The following SEMA7A variants were observed in gnomAD, a reference collection of about 807,000 sequenced individuals.
SEMA7A encodes semaphorin 7A (JohnMiltonHagen blood group), also known as semaphorin-7A.
SEMA7A carries 21 observed loss-of-function variants against 67.5 expected under a neutral mutation model. The ratio of observed to expected loss-of-function variants is 0.31; its 90% CI spans 0.22 to 0.45. The LOEUF (loss-of-function observed/expected upper bound fraction) is 0.45, where lower values mean the gene tolerates loss of function less well. Among genes scored for constraint, SEMA7A ranks in the 20% least tolerant of loss-of-function variants. The pLI is 1.00. For synonymous variants in SEMA7A, 364 were observed against 368.5 expected, an observed-to-expected ratio of 0.99 and a Z score of 0.14; for missense variants, 774 against 908.6, an observed-to-expected ratio of 0.85 and a Z score of 1.90.
Position 74,409,483 on chromosome 15 carries a change from GCCCAGGCCATC to G in SEMA7A, c.*1130_*1140del, listed in dbSNP as rs1277411036. The G allele has an allele frequency of 3.3e-5, 5 of 152,222 alleles. No individual in the cohort carries two copies. Among genetic ancestry groups the G allele is most frequent in the Non-Finnish European group, 7.3e-5 (5 of 68,090 alleles). The allele number at this position is 152,222 out of a possible 1,614,324, so 9.4% of individuals were successfully genotyped here. A position where few individuals can be genotyped will look rare whatever the true frequency, so the allele number is the denominator to read the frequency against. ...CAGGGCCGCCTGCCTGGAGAGCTCGGCCCAGGCCATCCCCACCGGAATTTTCACAGTTTAGC... is the reference window on the plus strand; with the variant it reads ...CAGGGCCGCCTGCCTGGAGAGCTCGGCCCACCGGAATTTTCACAGTTTAGC... On this transcript the variant is annotated 3_prime_UTR_variant, in exon 14 of 14. Transcript: ENST00000261918.
rs983503714 is a variant in SEMA7A, at chr15:74,423,438, G to A, written c.179-4486C>T. The stretch of plus-strand genomic sequence containing the variant: ...GCTGTACCACCGGCCCAAGGACACA[G>A]AGCGAGGGAAGCTCCAAGTTTCCAG... On this transcript the variant is annotated intron_variant, in intron 1 of 13. Transcript: ENST00000261918. This position sits in a 1 kb window ranked among gnomAD's most constrained non-coding sequence, Gnocchi z 4.1. Among the ~76,000 whole-genome samples, 1 of 152,202 alleles carries A rather than the reference G, an allele frequency of 6.6e-6. No homozygotes were observed. Among genetic ancestry groups the A allele is most frequent in the Non-Finnish European group, 1.5e-5 (1 of 68,034 alleles).
Position 74,417,465 on chromosome 15 carries a change from G to A in SEMA7A, c.551-20C>T. 6.2e-7 allele frequency: 1 copy of A among 1,606,452 alleles called. No homozygotes were observed. The highest frequency in any genetic ancestry group is 8.5e-7 in the Non-Finnish European group (1 of 1,173,344). ...CGTCCCCTGGGGTCAGTGGGAGGGAGAAATGAGTAAGGGCAGGCAGCTCCT... is the reference window on the plus strand; with the variant it reads ...CGTCCCCTGGGGTCAGTGGGAGGGAAAAATGAGTAAGGGCAGGCAGCTCCT... On this transcript the variant is annotated intron_variant, in intron 5 of 13. Coordinates refer to ENST00000261918, the MANE Select transcript of SEMA7A (RefSeq NM_003612.5).
In SEMA7A at chr15:74,423,562, C is replaced by G. The variant is rs1182542194; in HGVS notation, c.179-4610G>C. Among the ~76,000 whole-genome samples the G allele has an allele frequency of 6.6e-6, 1 of 152,122 alleles. No individual in the cohort carries two copies. The highest frequency in any genetic ancestry group is 1.5e-5 in the Non-Finnish European group (1 of 68,022). On this transcript the variant is annotated intron_variant, in intron 1 of 13. Coordinates refer to ENST00000261918, the MANE Select transcript of SEMA7A (RefSeq NM_003612.5). The surrounding 1 kb of genome is among the most constrained non-coding windows in gnomAD (Gnocchi z 4.1). ...TGTATATTCAGCCTCTCCCTACTTC[C>G]CTGAATCATCCCTACTCTACCCTTC...
At position 74,410,473 on chromosome 15, in the gene SEMA7A, G is replaced by T; in HGVS notation, c.*151C>A. 1 of 1,201,326 alleles carries T rather than the reference G, an allele frequency of 8.3e-7. No homozygotes were observed. 74.4% of individuals were successfully genotyped at this position (1,201,326 alleles called of 1,614,324 possible). ...GGGGCCCAGCAGCCGCCTGCGGCTG[G>T]ACGTCTCCAGGCCTGGCATCCTCCA... On this transcript the variant is annotated 3_prime_UTR_variant, in exon 14 of 14. Transcript: ENST00000261918. This position sits in a 1 kb window ranked among gnomAD's most constrained non-coding sequence, Gnocchi z 7.5.
chr15:74,416,462 C>T (rs1167114188), intron 7 of SEMA7A, 113 bp downstream of exon 7: 2 of 1,149,526 alleles, frequency 1.7e-6, no homozygotes, highest in African/African-American at 3.1e-5. Flanking sequence ...CTGACACAGA[C>T]CCACTCATAC....
In SEMA7A at chr15:74,414,439, T is replaced by A; in HGVS notation, c.1294+108A>T. 8.6e-7 allele frequency: 1 copy of A among 1,156,258 alleles called. No homozygotes were observed. The highest frequency in any genetic ancestry group is 1.3e-6 in the Non-Finnish European group (1 of 786,564). 71.6% of individuals were successfully genotyped at this position (1,156,258 alleles called of 1,614,324 possible). A position where few individuals can be genotyped will look rare whatever the true frequency, so the allele number is the denominator to read the frequency against. On this transcript the variant is annotated intron_variant, in intron 10 of 13. Coordinates refer to ENST00000261918, the MANE Select transcript of SEMA7A (RefSeq NM_003612.5). The surrounding 1 kb of genome is among the most constrained non-coding windows in gnomAD (Gnocchi z 4.1). ...CCCCTGACAACTCCAGTCACTCAAT[T>A]ATTCCTTCCACATGTAAAGATCCAA...
Position 74,417,608 on chromosome 15 carries a change from G to T in SEMA7A, c.533C>A (p.Ser178Tyr). 6.2e-7 allele frequency: 1 copy of T among 1,612,916 alleles called. No homozygotes were observed. Among genetic ancestry groups the T allele is most frequent in the Non-Finnish European group, 8.5e-7 (1 of 1,179,900 alleles). The change falls in exon 5 of 14, where the codon TCC (serine) becomes TAC (tyrosine). Residue 178 changes from serine to tyrosine, a missense_variant. Around this residue, in one of 2 missense-constraint regions of SEMA7A, gnomAD observed 347 missense variants for 353.2 expected, o/e 0.98. Coordinates refer to ENST00000261918, the MANE Select transcript of SEMA7A (RefSeq NM_003612.5). ...TGCCCTACCTTCAAACAGAACCAGGGAGTTCTCGTCCGGGCTGAAGGGGGC... is the reference window on the plus strand; with the variant it reads ...TGCCCTACCTTCAAACAGAACCAGGTAGTTCTCGTCCGGGCTGAAGGGGGC... ...GYAPFSPDENSLVLFEGDEVY... is the reference protein window; with the variant it reads ...GYAPFSPDENYLVLFEGDEVY...
chr15:74,418,739 T>C (rs954665444), intron 2 of SEMA7A, 62 bp downstream of exon 2: 7 of 1,571,244 alleles, frequency 4.5e-6, no homozygotes, highest in South Asian at 1.2e-5. Flanking sequence ...CTGAGGACCC[T>C]TGGCAGGGCC....
Position 74,411,787 on chromosome 15 carries a change from A to G in SEMA7A, c.1423-77T>C. 1 of 1,602,222 alleles carries G rather than the reference A, an allele frequency of 6.2e-7. No individual in the cohort carries two copies. The highest frequency in any genetic ancestry group is 8.5e-7 in the Non-Finnish European group (1 of 1,175,258). On this transcript the variant is annotated intron_variant, in intron 11 of 13. Transcript: ENST00000261918. The surrounding 1 kb of genome is among the most constrained non-coding windows in gnomAD (Gnocchi z 4.4). ...CCTAAATGTCCAGGCCCTAAGGCCTAGAAGCTCTTAAAAGAACACACAAAT... is the reference window on the plus strand; with the variant it reads ...CCTAAATGTCCAGGCCCTAAGGCCTGGAAGCTCTTAAAAGAACACACAAAT...
chr15:74,417,939 T>C lies in SEMA7A; in HGVS notation c.403A>G (p.Arg135Gly). The stretch of plus-strand genomic sequence containing the variant: ...CAGGCCAGCAGCCCCTCACTCCGCC[T>C]CTCCAGGAGAGTGATGTAGTTCTCG... Reference protein sequence around the residue: ...DCENYITLLERRSEGLLACGT... With the variant: ...DCENYITLLEGRSEGLLACGT... Residue 135 changes from arginine (R) to glycine (G), a missense_variant, in exon 4 of 14, where the codon AGG becomes GGG. This residue lies in a region of SEMA7A where 347 missense variants were observed against 353.2 expected (regional missense o/e 0.98). Coordinates refer to ENST00000261918, the MANE Select transcript of SEMA7A (RefSeq NM_003612.5). 1 of 1,613,164 alleles carries C rather than the reference T, an allele frequency of 6.2e-7. No homozygotes were observed.
intron 5 of SEMA7A, 46 bp from the exon 6 acceptor site, chr15:74,417,491 G>C (rs2060961678): frequency 6.3e-7 from 1 of 1,589,524 alleles, no homozygotes; most frequent in East Asian, 2.2e-5. Flanking sequence ...GGCAGCTCCT[G>C]GAAGTCCCTC....
chr15:74,418,386 G>A lies in SEMA7A; in HGVS notation c.331-77C>T, dbSNP rs1239729956. 7.7e-6 allele frequency: 11 copies of A among 1,423,384 alleles called. No individual in the cohort carries two copies. The East Asian group carries it at 1.6e-4, about 21-fold the overall frequency. The allele number at this position is 1,423,384 out of a possible 1,614,324, so 88.2% of individuals were successfully genotyped here. ...TGAAATGCTTTCCACACAGCCTCAG[G>A]ATAAGCCCCAAAGGAAGCAACCATT... is the stretch of plus-strand genomic sequence containing the variant. On this transcript the variant is annotated intron_variant, in intron 2 of 13. Transcript: ENST00000261918.
rs1205807948 is a variant in SEMA7A at position 74,433,771 on chromosome 15, T to C, written c.148A>G (p.Ser50Gly). 11 of 1,443,148 alleles carry C rather than the reference T, an allele frequency of 7.6e-6. No homozygotes were observed. Among genetic ancestry groups the C allele is most frequent in the South Asian group, 1.4e-5 (1 of 73,532 alleles). 89.4% of individuals were successfully genotyped at this position (1,443,148 alleles called of 1,614,324 possible). A position where few individuals can be genotyped will look rare whatever the true frequency, so the allele number is the denominator to read the frequency against. Residue 50 changes from serine to glycine, a missense_variant, in exon 1 of 14, where the codon AGC becomes GGC. This residue lies in a region of SEMA7A where 347 missense variants were observed against 353.2 expected (regional missense o/e 0.98). Coordinates refer to ENST00000261918, the MANE Select transcript of SEMA7A (RefSeq NM_003612.5). ...AAASAQGHLR[S>G]GPRIFAVWKG... is the part of the protein sequence containing the mutation. ...CAGACGGCGAAGATGCGGGGTCCGCTCCTTAGGTGGCCCTGGGCGGAGGCG... is the reference window on the plus strand; with the variant it reads ...CAGACGGCGAAGATGCGGGGTCCGCCCCTTAGGTGGCCCTGGGCGGAGGCG...
At position 74,414,082 on chromosome 15, in the gene SEMA7A, T is replaced by C. The variant is rs2060924837; in HGVS notation, c.1294+465A>G. On this transcript the variant is annotated intron_variant, in intron 10 of 13. Coordinates refer to ENST00000261918, the MANE Select transcript of SEMA7A (RefSeq NM_003612.5). The surrounding 1 kb of genome is among the most constrained non-coding windows in gnomAD (Gnocchi z 4.1). Reference sequence around the variant, plus strand: ...TCTGCCCCCTGGAACTCCTTCCTCATACCTAATTTGTGCCCCATCAACTCC... The same window carrying C: ...TCTGCCCCCTGGAACTCCTTCCTCACACCTAATTTGTGCCCCATCAACTCC... 6.6e-6 allele frequency among the ~76,000 whole-genome samples: 1 copy of C among 152,186 alleles called. No individual in the cohort carries two copies. Among genetic ancestry groups the C allele is most frequent in the Admixed American group, 6.5e-5 (1 of 15,288 alleles).
At position 74,417,598 on chromosome 15, in the gene SEMA7A, C is replaced by G; in HGVS notation, c.543G>C (p.Leu181=). 1 of 1,612,684 alleles carries G rather than the reference C, an allele frequency of 6.2e-7. No homozygotes were observed. Among genetic ancestry groups the G allele is most frequent in the Non-Finnish European group, 8.5e-7 (1 of 1,179,764 alleles). Residue 181 remains leucine, a synonymous_variant, in exon 5 of 14, where the codon CTG becomes CTC. Coordinates refer to ENST00000261918, the MANE Select transcript of SEMA7A (RefSeq NM_003612.5). The part of the protein sequence containing the change: ...PFSPDENSLV[L]FEGDEVYSTI... Reference sequence around the variant, plus strand: ...GCTCCAGCACTGCCCTACCTTCAAACAGAACCAGGGAGTTCTCGTCCGGGC... The same window carrying G: ...GCTCCAGCACTGCCCTACCTTCAAAGAGAACCAGGGAGTTCTCGTCCGGGC...
intron 8 of SEMA7A, 69 bp from the exon 9 acceptor site, chr15:74,415,015 C>T (rs2060935877): frequency 7.5e-7 from 1 of 1,337,178 alleles, no homozygotes; most frequent in Non-Finnish European, 1.1e-6. Flanking sequence ...CTCACCCAGG[C>T]CAGCCTTGTG....
chr15:74,418,087 C>A, intron 3 of SEMA7A, 118 bp from the exon 4 acceptor site: 1 of 1,273,954 alleles, frequency 7.8e-7, no homozygotes, highest in Non-Finnish European at 1.1e-6. Context: ...GCATAGGTGA[C>A]AGCCTCCCGG....
At position 74,433,721 on chromosome 15, in the gene SEMA7A, G is replaced by A. The variant is rs144642175; in HGVS notation, c.178+20C>T. ...GCAGCGTCTGATCCCGCGCCTGACC[G>A]GCCGCGCGGCGCCGCCTACCTTTCC... On this transcript the variant is annotated intron_variant, in intron 1 of 13. Coordinates refer to ENST00000261918, the MANE Select transcript of SEMA7A (RefSeq NM_003612.5). 881 of 1,420,246 alleles carry A rather than the reference G, an allele frequency of 6.2e-4. 10 individuals are homozygous for A. The African/African-American group carries it at 0.012, about 20-fold the overall frequency. 88.0% of individuals were successfully genotyped at this position (1,420,246 alleles called of 1,614,324 possible). A position where few individuals can be genotyped will look rare whatever the true frequency, so the allele number is the denominator to read the frequency against.
chr15:74,433,875 C>A lies in SEMA7A; in HGVS notation c.44G>T (p.Arg15Leu). Residue 15 changes from arginine (R) to leucine (L), a missense_variant, in exon 1 of 14, where the codon CGC becomes CTC. Physicochemically the swap from Arg to Leu is moderately radical, Grantham distance 102. Around this residue, in one of 2 missense-constraint regions of SEMA7A, gnomAD observed 347 missense variants for 353.2 expected, o/e 0.98. Coordinates refer to ENST00000261918, the MANE Select transcript of SEMA7A (RefSeq NM_003612.5). ...PPGRAAPSAP[R>L]ARVPGPPARL... ...AGCCGGCGGGCCAGGGACGCGGGCG[C>A]GCGGTGCGCTGGGGGCGGCACGTCC... 1 of 1,276,118 alleles carries A rather than the reference C, an allele frequency of 7.8e-7. No individual in the cohort carries two copies. The highest frequency in any genetic ancestry group is 9.8e-7 in the Non-Finnish European group (1 of 1,016,984). 79.0% of individuals were successfully genotyped at this position (1,276,118 alleles called of 1,614,324 possible). A position where few individuals can be genotyped will look rare whatever the true frequency, so the allele number is the denominator to read the frequency against.
Sources: allele counts gnomAD v4.1 joint callset (sites outside exome capture counted in the v4.1 genomes callset), GRCh38; gene constraint gnomAD v4.1.1; regional missense constraint gnomAD v4.1.1; non-coding constraint Gnocchi (gnomAD v3.1); transcripts MANE v1.5; gene names NCBI Gene and HGNC (gene_info 2026-07-23, HGNC 2026-07-21).